Variants in ABCC11 observed in about 807,000 individuals in gnomAD.
ABCC11 encodes ATP-binding cassette sub-family C member 11.
A neutral mutation model predicts 149.3 loss-of-function variants in ABCC11; 135 were observed. That is an observed-to-expected ratio of 0.90 (90% CI 0.79 to 1.04). ABCC11 has a LOEUF of 1.04. Ranked by LOEUF, ABCC11 falls within the 50% of genes least tolerant of loss-of-function variation. The pLI is 0.00. For missense variants in ABCC11, 1,680 were observed against 1,722.1 expected (o/e 0.98, Z 0.43); for synonymous variants, 665 against 671.4 (o/e 0.99, Z 0.15).
rs772599477 is a variant in ABCC11 at position 48,213,428 on chromosome 16, C to T, written c.1356+15G>A. On this transcript the variant is annotated intron_variant, in intron 10 of 29. Coordinates refer to ENST00000356608, the MANE Select transcript of ABCC11 (RefSeq NM_001370497.1). ...TCCAAGCAGGGGGCCTACAGCCAGT[C>T]CCCTGATGACCTACCTTGAACCTCA... The T allele has an allele frequency of 6.2e-7, 1 of 1,604,946 alleles. No individual in the cohort carries two copies. Among genetic ancestry groups the T allele is most frequent in the African/African-American group, 1.3e-5 (1 of 74,530 alleles).
In ABCC11 at chr16:48,198,085, G is replaced by T. The variant is rs1385960239; in HGVS notation, c.2218-18C>A. ...AACATGTCCTGGGGAGAGAGCACAGGCCCTGAGTACACGTGCGTCCACCGT... is the reference window on the plus strand; with the variant it reads ...AACATGTCCTGGGGAGAGAGCACAGTCCCTGAGTACACGTGCGTCCACCGT... On this transcript the variant is annotated intron_variant, in intron 16 of 29. Coordinates refer to ENST00000356608, the MANE Select transcript of ABCC11 (RefSeq NM_001370497.1). 6.2e-7 allele frequency: 1 copy of T among 1,614,150 alleles called. No homozygotes were observed. The highest frequency in any genetic ancestry group is 1.3e-5 in the African/African-American group (1 of 75,020).
chr16:48,184,307 T>C, intron 23 of ABCC11, 133 bp downstream of exon 23: 1 of 1,108,432 alleles, frequency 9.0e-7, no homozygotes, highest in Non-Finnish European at 1.3e-6. Context: ...GCCAAGCACA[T>C]AGCTCCTAAG....
intron 19 of ABCC11, among the ~76,000 whole-genome samples, chr16:48,193,233 A>C (rs1010009130): frequency 1.3e-5 from 2 of 152,164 alleles, no homozygotes; most frequent in African/African-American, 4.8e-5. Context: ...CTAATTCCCT[A>C]TATTAAATCC....
intron 17 of ABCC11, among the ~76,000 whole-genome samples, chr16:48,196,944 T>C (rs895969604): frequency 6.6e-6 from 1 of 151,302 alleles, no homozygotes; most frequent in African/African-American, 2.4e-5. Flanking sequence ...CAGTATTTCC[T>C]GGGGAACGGT....
At chr16:48,198,098 G>A (rs148067316) in intron 16 of ABCC11, 31 bp from the exon 17 acceptor site, 7 of 1,614,132 alleles carry the variant, frequency 4.3e-6, no homozygotes, top group East Asian at 4.5e-5. Flanking sequence ...CTGAGTACAC[G>A]TGCGTCCACC....
At chr16:48,241,782 C>T (rs1370200571) in intron 1 of ABCC11, among the ~76,000 whole-genome samples, 9 of 152,160 alleles carry the variant, frequency 5.9e-5, no homozygotes, top group Admixed American at 3.3e-4. Flanking sequence ...CTGACAAAAA[C>T]AAGAAATGGG....
At chr16:48,222,134 G>T (rs932423442) in intron 6 of ABCC11, among the ~76,000 whole-genome samples, 1 of 146,304 alleles carries the variant, frequency 6.8e-6, no homozygotes, top group Non-Finnish European at 1.5e-5. Context: ...TTGCCATGTT[G>T]CCCAGGCTAG....
intron 6 of ABCC11, among the ~76,000 whole-genome samples, chr16:48,221,916 C>CTT (rs747175603): frequency 4.3e-5 from 6 of 140,882 alleles, no homozygotes; most frequent in East Asian, 2.1e-4. Flanking sequence ...TAATTTTTGT[C>CTT]TTTTTTTTTT....
At chr16:48,222,456 A>G (rs1339589724) in intron 6 of ABCC11, 142 bp downstream of exon 6, 1 of 697,168 alleles carries the variant, frequency 1.4e-6, no homozygotes, top group Admixed American at 2.9e-5. Context: ...ATGGTTATCC[A>G]CACTCAACCT....
intron 12 of ABCC11, among the ~76,000 whole-genome samples, chr16:48,206,761 C>T (rs1323517964): frequency 6.6e-6 from 1 of 152,228 alleles, no homozygotes; most frequent in Non-Finnish European, 1.5e-5. Flanking sequence ...ACCTGGGACT[C>T]AGCCCTGGCT....
intron 19 of ABCC11, among the ~76,000 whole-genome samples, chr16:48,193,119 G>A (rs139473770): frequency 6.4e-4 from 97 of 152,296 alleles, no homozygotes; most frequent in Non-Finnish European, 1.2e-3. Flanking sequence ...AGGAGCATGG[G>A]GTGTGGGGTT....
At chr16:48,205,812 CTTTT>C (rs5816589) in intron 12 of ABCC11, among the ~76,000 whole-genome samples, 5 of 141,014 alleles carry the variant, frequency 3.5e-5, no homozygotes, top group Non-Finnish European at 3.1e-5. Context: ...GTTTTTTCCT[CTTTT>C]TTTTTTTTTT....
intron 18 of ABCC11, among the ~76,000 whole-genome samples, chr16:48,194,889 G>C (rs1376600728): frequency 6.6e-6 from 1 of 152,216 alleles, no homozygotes; most frequent in East Asian, 1.9e-4. Flanking sequence ...TGTTGTTACA[G>C]CAGCACAAAT....
intron 27 of ABCC11, among the ~76,000 whole-genome samples, 170 bp from the exon 28 acceptor site, chr16:48,170,388 C>T (rs555743232): frequency 5.3e-5 from 8 of 152,304 alleles, no homozygotes; most frequent in African/African-American, 1.9e-4. Flanking sequence ...GTCTCTGGGC[C>T]TTTGCATACG....
At chr16:48,224,574 C>G in intron 4 of ABCC11, 145 bp from the exon 5 acceptor site, 1 of 861,256 alleles carries the variant, frequency 1.2e-6, no homozygotes, top group Non-Finnish European at 1.7e-6. Flanking sequence ...GTACTCATCC[C>G]CCTTTCCAGA....
At chr16:48,174,458 A>G (rs1236402949) in intron 26 of ABCC11, among the ~76,000 whole-genome samples, 3 of 152,220 alleles carry the variant, frequency 2.0e-5, no homozygotes, top group African/African-American at 7.2e-5. Context: ...CTCAGTCCCC[A>G]TGCCTTGATG....
At chr16:48,185,848 G>A (rs1207867665) in intron 22 of ABCC11, among the ~76,000 whole-genome samples, 1 of 152,072 alleles carries the variant, frequency 6.6e-6, no homozygotes, top group Non-Finnish European at 1.5e-5. Flanking sequence ...CTGTGCTCAA[G>A]CCACCTTGCT....
chr16:48,222,171 C>T (rs28602441), intron 6 of ABCC11, among the ~76,000 whole-genome samples: 21,703 of 151,554 alleles, frequency 0.14, 2,041 homozygotes, highest in African/African-American at 0.28. Context: ...TCAAGCAATC[C>T]TCCTGCCTTG....
Position 48,206,063 on chromosome 16 carries a change from G to T in ABCC11, c.1681-526C>A, listed in dbSNP as rs141417971. Among the ~76,000 whole-genome samples the T allele has an allele frequency of 4.4e-3, 669 of 152,230 alleles. 4 individuals are homozygous for T. Among genetic ancestry groups the T allele is most frequent in the African/African-American group, 0.015 (617 of 41,530 alleles). On this transcript the variant is annotated intron_variant, in intron 12 of 29. Transcript: ENST00000356608. ...CTGACCTCGTGATCTGTCCGCCTCG[G>T]CCTCCCAAAGTGCTGGGATTACAGG...
Sources: allele counts gnomAD v4.1 joint callset (sites outside exome capture counted in the v4.1 genomes callset), GRCh38; gene constraint gnomAD v4.1.1; transcripts MANE v1.5; gene names NCBI Gene and HGNC (gene_info 2026-07-23, HGNC 2026-07-21).